The following EFHD1 variants were observed in gnomAD, a reference collection of about 807,000 sequenced individuals.
EFHD1 encodes the protein EF-hand domain-containing protein D1.
In EFHD1, 10 loss-of-function variants were observed where a neutral mutation model predicts 17.2. That is an observed-to-expected ratio of 0.58 (90% CI 0.36 to 0.99). The LOEUF (loss-of-function observed/expected upper bound fraction) is 0.99, where lower values mean the gene tolerates loss of function less well. EFHD1 is among the 50% of genes least tolerant of loss of function. The pLI is 0.01. For synonymous variants in EFHD1, 153 were observed against 142.0 expected (o/e 1.08, Z -0.55); for missense variants, 310 against 327.5 (o/e 0.95, Z 0.41).
At chr2:232,612,734 CTTT>C (rs112158565) in intron 1 of EFHD1, among the ~76,000 whole-genome samples, 5 of 133,558 alleles carry the variant, frequency 3.7e-5, no homozygotes, top group Admixed American at 7.5e-5. Context: ...TTTTTCTTTT[CTTT>C]TTTTTTTTTT....
chr2:232,622,724 G>T (rs966625211), intron 1 of EFHD1, among the ~76,000 whole-genome samples: 1 of 152,124 alleles, frequency 6.6e-6, no homozygotes, highest in African/African-American at 2.4e-5. Flanking sequence ...GGCAGCAGCT[G>T]CTCCGGTTTG....
Position 232,633,932 on chromosome 2 carries a change from G to A in EFHD1, c.228G>A (p.Arg76=). 6.3e-7 allele frequency: 1 copy of A among 1,593,360 alleles called. No individual in the cohort carries two copies. Among genetic ancestry groups the A allele is most frequent in the Non-Finnish European group, 8.5e-7 (1 of 1,177,614 alleles). ...GCGCTGCGCGGCCCCGGCGCTGCAG[G>A]GTCTTCAACCCCTACACGGAGTTCC... ...NEGAARPRRC[R]VFNPYTEFPE... The change falls in exon 1 of 4, where the codon AGG becomes AGA. Residue 76 remains arginine, a synonymous_variant. Transcript: ENST00000264059.
At chr2:232,613,346 C>T (rs1574698140) in intron 1 of EFHD1, among the ~76,000 whole-genome samples, 1 of 152,008 alleles carries the variant, frequency 6.6e-6, no homozygotes, top group Non-Finnish European at 1.5e-5. Flanking sequence ...ATCACTTGAA[C>T]CCTGGAGGCA....
chr2:232,638,830 T>A (rs112688559), intron 1 of EFHD1, among the ~76,000 whole-genome samples: 1,908 of 152,332 alleles, frequency 0.013, 22 homozygotes, highest in Non-Finnish European at 0.022. Context: ...TCACCTTAGA[T>A]GTGAAATTTT....
intron 1 of EFHD1, among the ~76,000 whole-genome samples, chr2:232,659,304 A>C (rs78086599): frequency 5.3e-5 from 8 of 151,994 alleles, no homozygotes; most frequent in African/African-American, 1.7e-4. Flanking sequence ...AAAAAAAAAA[A>C]CACAAGAAAT....
chr2:232,633,900 A>G lies in EFHD1; in HGVS notation c.196A>G (p.Asn66Asp). Residue 66 changes from asparagine (N) to aspartate (D), a missense_variant, in exon 1 of 4, where the codon AAC (asparagine) becomes GAC (aspartate). Coordinates refer to ENST00000264059, the MANE Select transcript of EFHD1 (RefSeq NM_025202.4). The stretch of plus-strand genomic sequence containing the variant: ...CCAGCTGAGCCGGCGGCTGGACATC[A>G]ACGAGGGCGCTGCGCGGCCCCGGCG... ...SAQLSRRLDI[N>D]EGAARPRRCR... 6.4e-7 allele frequency: 1 copy of G among 1,573,298 alleles called. No individual in the cohort carries two copies.
At chr2:232,636,525 T>C (rs1013220394) in intron 1 of EFHD1, among the ~76,000 whole-genome samples, 4 of 152,164 alleles carry the variant, frequency 2.6e-5, no homozygotes, top group Non-Finnish European at 5.9e-5. Flanking sequence ...ATCCATAATT[T>C]GGGTAAATGT....
intron 1 of EFHD1, among the ~76,000 whole-genome samples, chr2:232,608,929 A>G (rs901790526): frequency 6.6e-6 from 1 of 152,096 alleles, no homozygotes; most frequent in Non-Finnish European, 1.5e-5. Context: ...ACTCCATCTC[A>G]AAAAATAAAA....
At chr2:232,615,469 C>T (rs1445622822) in intron 1 of EFHD1, among the ~76,000 whole-genome samples, 1 of 151,922 alleles carries the variant, frequency 6.6e-6, no homozygotes, top group Non-Finnish European at 1.5e-5. Flanking sequence ...CTCACCTCGA[C>T]CTTCTGCAGC....
upstream of EFHD1, among the ~76,000 whole-genome samples, chr2:232,629,938 C>A (rs1694174152): frequency 6.6e-6 from 1 of 151,192 alleles, no homozygotes; most frequent in South Asian, 2.2e-4. Context: ...CATGATTCAA[C>A]AAGCATGTTT....
At chr2:232,643,991 C>G (rs1450420164) in intron 1 of EFHD1, among the ~76,000 whole-genome samples, 1 of 152,160 alleles carries the variant, frequency 6.6e-6, no homozygotes, top group East Asian at 1.9e-4. Context: ...CACTGGGATT[C>G]CCTGTGATTT....
chr2:232,654,828 G>C (rs761496893), intron 1 of EFHD1, among the ~76,000 whole-genome samples: 98 of 152,156 alleles, frequency 6.4e-4, no homozygotes, highest in Non-Finnish European at 9.0e-4. Context: ...CGCTAGCTCC[G>C]GCTTATGTGG....
chr2:232,677,329 C>T (rs1695198954), intron 3 of EFHD1, among the ~76,000 whole-genome samples: 1 of 151,852 alleles, frequency 6.6e-6, no homozygotes, highest in South Asian at 2.1e-4. Context: ...AAGCATAACT[C>T]TTGCTGTTAA....
rs35488799 is a variant in EFHD1 at position 232,661,568 on chromosome 2, C to CTTT, written c.303-1218_303-1216dup. On this transcript the variant is annotated intron_variant, in intron 1 of 3. Coordinates refer to ENST00000264059, the MANE Select transcript of EFHD1 (RefSeq NM_025202.4). ...TACGGCTATACCCCCACCACCACCC[C>CTTT]TTTTTTTTTTTTTTTTTTGAGACAG... 4.9e-3 allele frequency: 580 copies of CTTT among 117,660 alleles called. 28 individuals carry two copies. The highest frequency in any genetic ancestry group is 0.018 in the Middle Eastern group (4 of 218). The allele number at this position is 117,660 out of a possible 1,614,324, so 7.3% of individuals were successfully genotyped here.
At chr2:232,619,301 T>C (rs1269587841) in intron 1 of EFHD1, among the ~76,000 whole-genome samples, 1 of 106,454 alleles carries the variant, frequency 9.4e-6, no homozygotes, top group Non-Finnish European at 2.0e-5. Flanking sequence ...GGGTGATTTC[T>C]TTCTTTCTTT....
intron 1 of EFHD1, among the ~76,000 whole-genome samples, chr2:232,607,600 A>G (rs973627551): frequency 6.6e-6 from 1 of 151,830 alleles, no homozygotes; most frequent in Non-Finnish European, 1.5e-5. Flanking sequence ...TCAAAAAAAA[A>G]AAAAAATTAG....
upstream of EFHD1, among the ~76,000 whole-genome samples, chr2:232,630,039 T>G (rs2106190901): frequency 6.6e-6 from 1 of 152,204 alleles, no homozygotes; most frequent in African/African-American, 2.4e-5. Flanking sequence ...AATCTCCACC[T>G]CCCAGGTTCA....
At chr2:232,640,909 G>C (rs999444515) in intron 1 of EFHD1, among the ~76,000 whole-genome samples, 1 of 152,196 alleles carries the variant, frequency 6.6e-6, no homozygotes, top group Admixed American at 6.5e-5. Context: ...CCTGGAGACA[G>C]AGAATGGGGG....
chr2:232,638,068 C>A (rs1694350538), intron 1 of EFHD1: 1 of 217,184 alleles, frequency 4.6e-6, no homozygotes, highest in Non-Finnish European at 9.4e-6. Context: ...ATTTCCAAGC[C>A]TGTTACTGGA....
Sources: gnomAD v4.1 joint callset for allele counts (sites outside exome capture counted in the v4.1 genomes callset) on GRCh38, gnomAD v4.1.1 for gene constraint, MANE v1.5 for transcripts, NCBI Gene and HGNC (gene_info 2026-07-23, HGNC 2026-07-21) for gene names.